XRCC4: variants seen among roughly 807,000 people sequenced by gnomAD.
XRCC4 encodes the protein X-ray repair cross complementing 4.
A neutral mutation model predicts 39.1 loss-of-function variants in XRCC4; 28 were observed. That is an observed-to-expected ratio of 0.72 (90% CI 0.53 to 0.98). The LOEUF (loss-of-function observed/expected upper bound fraction) is 0.98, where lower values mean the gene tolerates loss of function less well. XRCC4 is among the 50% of genes least tolerant of loss of function. The probability of loss-of-function intolerance (pLI) is 0.00; values close to 1 mark genes in which losing one functional copy is unlikely to be tolerated. For missense variants in XRCC4, 350 were observed against 376.4 expected, an observed-to-expected ratio of 0.93 and a Z score of 0.58; for synonymous variants, 123 against 126.4, an observed-to-expected ratio of 0.97 and a Z score of 0.18.
At chr5:83,137,517 A>G (rs1197556013) in intron 3 of XRCC4, among the ~76,000 whole-genome samples, 3 of 152,186 alleles carry the variant, frequency 2.0e-5, no homozygotes, top group Non-Finnish European at 4.4e-5. Context: ...GTTTATAGCC[A>G]GGAGAATCAT....
chr5:83,315,591 T>C (rs1755851351), intron 7 of XRCC4, among the ~76,000 whole-genome samples: 1 of 152,170 alleles, frequency 6.6e-6, no homozygotes, highest in Non-Finnish European at 1.5e-5. Flanking sequence ...AGTGCTCATT[T>C]ATCATTCTGA....
At chr5:83,199,767 T>TA (rs889880159) in intron 4 of XRCC4, among the ~76,000 whole-genome samples, 4 of 137,514 alleles carry the variant, frequency 2.9e-5, no homozygotes, top group East Asian at 1.9e-4. Flanking sequence ...TTTAATTTTT[T>TA]AAAAAAAATT....
intron 7 of XRCC4, among the ~76,000 whole-genome samples, chr5:83,307,911 G>A (rs766703320): frequency 1.3e-4 from 20 of 152,112 alleles, no homozygotes; most frequent in Admixed American, 9.2e-4. Context: ...ATAGCTTAGC[G>A]TTAACACTAA....
intron 7 of XRCC4, among the ~76,000 whole-genome samples, chr5:83,347,554 A>G (rs1756953634): frequency 6.6e-6 from 1 of 152,192 alleles, no homozygotes; most frequent in Non-Finnish European, 1.5e-5. Context: ...TCGTGAGAAC[A>G]GCAAGGGGGA....
intron 6 of XRCC4, among the ~76,000 whole-genome samples, chr5:83,228,726 A>G (rs906938418): frequency 6.6e-6 from 1 of 152,070 alleles, no homozygotes; most frequent in Non-Finnish European, 1.5e-5. Flanking sequence ...CAATTATTCC[A>G]TTATGTTCTA....
At chr5:83,342,401 C>G (rs750387885) in intron 7 of XRCC4, among the ~76,000 whole-genome samples, 17 of 152,098 alleles carry the variant, frequency 1.1e-4, no homozygotes, top group Non-Finnish European at 2.2e-4. Flanking sequence ...CTCATCCTTT[C>G]CCAATGTCTA....
chr5:83,267,951 T>C (rs1754015449), intron 7 of XRCC4, among the ~76,000 whole-genome samples: 1 of 152,184 alleles, frequency 6.6e-6, no homozygotes, highest in Admixed American at 6.5e-5. Flanking sequence ...AAGAGACTTA[T>C]TTATTTGGAC....
intron 1 of XRCC4, among the ~76,000 whole-genome samples, chr5:83,091,383 C>T (rs1745420135): frequency 6.6e-6 from 1 of 152,174 alleles, no homozygotes; most frequent in Admixed American, 6.5e-5. Flanking sequence ...ACTCACTCCA[C>T]TATTATGAGA....
At chr5:83,213,357 C>CT (rs1469034410) in intron 6 of XRCC4, among the ~76,000 whole-genome samples, 1 of 151,818 alleles carries the variant, frequency 6.6e-6, no homozygotes, top group Non-Finnish European at 1.5e-5. Context: ...TACATATTTT[C>CT]TTTTTTATTA....
downstream of XRCC4, chr5:83,356,774 T>C (rs1368652194): frequency 2.2e-6 from 1 of 454,410 alleles, no homozygotes; most frequent in African/African-American, 2.0e-5. Flanking sequence ...GCACAGAAAT[T>C]GAGTTACAAT....
chr5:83,337,036 C>G (rs183125804), intron 7 of XRCC4, among the ~76,000 whole-genome samples: 133 of 152,146 alleles, frequency 8.7e-4, no homozygotes, highest in Non-Finnish European at 1.6e-3. Flanking sequence ...GATAGCATTT[C>G]TAAAAAGTTT....
chr5:83,224,603 A>T (rs983168452), intron 6 of XRCC4, among the ~76,000 whole-genome samples: 1 of 152,136 alleles, frequency 6.6e-6, no homozygotes, highest in African/African-American at 2.4e-5. Flanking sequence ...AATTTTACCA[A>T]TGAATTTTGT....
intron 3 of XRCC4, among the ~76,000 whole-genome samples, chr5:83,177,970 A>G (rs534052702): frequency 6.7e-4 from 102 of 152,300 alleles, no homozygotes; most frequent in African/African-American, 2.4e-3. Context: ...TCTAAATGGC[A>G]TGCTTTGGGG....
chr5:83,349,713 A>C (rs1263690458), intron 7 of XRCC4, among the ~76,000 whole-genome samples: 1 of 152,188 alleles, frequency 6.6e-6, no homozygotes. Flanking sequence ...CACAGTATCT[A>C]AACAATGGAC....
At chr5:83,341,128 A>C (rs1756743799) in intron 7 of XRCC4, among the ~76,000 whole-genome samples, 1 of 152,160 alleles carries the variant, frequency 6.6e-6, no homozygotes, top group South Asian at 2.1e-4. Context: ...ATTCATTTGG[A>C]AAACCTAGGT....
chr5:83,205,913 GAAAACAAAAACA>G (rs954238853), intron 6 of XRCC4, among the ~76,000 whole-genome samples: 108 of 151,894 alleles, frequency 7.1e-4, no homozygotes, highest in Non-Finnish European at 1.2e-3. Context: ...ATGCCAAACA[GAAAACAAAAACA>G]AAAACAAAAA....
intron 2 of XRCC4, 89 bp from the exon 3 acceptor site, chr5:83,110,939 G>A (rs1292375194): frequency 8.2e-7 from 1 of 1,220,274 alleles, no homozygotes; most frequent in African/African-American, 1.6e-5. Flanking sequence ...TGTTACATGT[G>A]ATAAATTAGT....
chr5:83,353,362 A>G lies in XRCC4; in HGVS notation c.*120A>G. On this transcript the variant is annotated 3_prime_UTR_variant, in exon 8 of 8. Transcript: ENST00000396027. ...ACCGTATCTTACAATTTAATTACAT[A>G]CACAGTGAATTGAAACCATTGTGCA... 2 of 763,836 alleles carry G rather than the reference A, an allele frequency of 2.6e-6. No homozygotes were observed. The highest frequency in any genetic ancestry group is 4.2e-6 in the Non-Finnish European group (2 of 479,892). The allele number at this position is 763,836 out of a possible 1,614,324, so 47.3% of individuals were successfully genotyped here.
At chr5:83,132,470 G>T (rs965927986) in intron 3 of XRCC4, among the ~76,000 whole-genome samples, 1 of 152,046 alleles carries the variant, frequency 6.6e-6, no homozygotes, top group Non-Finnish European at 1.5e-5. Flanking sequence ...ATATCCTGCA[G>T]AGTGTTTTCC....
Sources: allele counts gnomAD v4.1 joint callset (sites outside exome capture counted in the v4.1 genomes callset), GRCh38; gene constraint gnomAD v4.1.1; transcripts MANE v1.5; gene names NCBI Gene and HGNC (gene_info 2026-07-23, HGNC 2026-07-21).